The following IGFBP7 variants were observed in gnomAD, a reference collection of about 807,000 sequenced individuals.
IGFBP7 encodes insulin-like growth factor-binding protein 7.
In IGFBP7, 31 loss-of-function variants were observed where a neutral mutation model predicts 29.4. That is an observed-to-expected ratio of 1.05 (90% CI 0.79 to 1.42). The LOEUF is 1.42. IGFBP7 is among the 40% of genes most tolerant of loss of function. The probability of loss-of-function intolerance (pLI) is 0.00; values close to 1 mark genes in which losing one functional copy is unlikely to be tolerated. For missense variants in IGFBP7, 393 were observed against 395.5 expected, an observed-to-expected ratio of 0.99 and a Z score of 0.05; for synonymous variants, 172 against 174.9, an observed-to-expected ratio of 0.98 and a Z score of 0.13.
At chr4:57,041,117 A>C (rs1196101875) in intron 1 of IGFBP7, among the ~76,000 whole-genome samples, 184 bp from the exon 2 acceptor site, 1 of 152,238 alleles carries the variant, frequency 6.6e-6, no homozygotes, top group Non-Finnish European at 1.5e-5. Flanking sequence ...CCACTTTGGG[A>C]ATGCATAAAT....
At chr4:57,055,558 T>C (rs7670536) in intron 1 of IGFBP7, among the ~76,000 whole-genome samples, 126,644 of 151,850 alleles carry the variant, frequency 0.83, 53,168 homozygotes, top group East Asian at 0.94. Context: ...GAAAATCCAG[T>C]GGGCTGGTTC....
At chr4:57,105,416 C>T (rs1725999442) in intron 1 of IGFBP7, among the ~76,000 whole-genome samples, 1 of 152,166 alleles carries the variant, frequency 6.6e-6, no homozygotes, top group African/African-American at 2.4e-5. Flanking sequence ...TACTACATAC[C>T]ATGCACTTAT....
In IGFBP7 at chr4:57,075,779, A is replaced by T. The variant is rs763416588; in HGVS notation, c.475+34098T>A. ...CACATTTGAAAAAAAAGGTAGACAC[A>T]AGGCAGAGGAATGTGGTGGGTAGAC... On this transcript the variant is annotated intron_variant, in intron 1 of 4. Transcript: ENST00000295666. Among the ~76,000 whole-genome samples the T allele has an allele frequency of 1.1e-4, 17 of 152,334 alleles. No individual in the cohort carries two copies. In the South Asian group the frequency reaches 2.5e-3, roughly 22 times the overall value.
chr4:57,032,355 A>G, intron 4 of IGFBP7, 71 bp downstream of exon 4: 2 of 1,576,908 alleles, frequency 1.3e-6, no homozygotes, highest in East Asian at 2.2e-5. Context: ...TGATACTTTC[A>G]TACTTAGTTC....
chr4:57,037,817 C>T (rs1246588361), intron 2 of IGFBP7, among the ~76,000 whole-genome samples: 2 of 152,076 alleles, frequency 1.3e-5, no homozygotes, highest in East Asian at 1.9e-4. Context: ...AGAACTGCAA[C>T]GGAGCTTTTC....
At chr4:57,074,610 T>C (rs1725176867) in intron 1 of IGFBP7, among the ~76,000 whole-genome samples, 1 of 152,200 alleles carries the variant, frequency 6.6e-6, no homozygotes, top group African/African-American at 2.4e-5. Context: ...TTCCTCTACC[T>C]CTTAAAGTTG....
In IGFBP7 at chr4:57,031,184, T is replaced by A; in HGVS notation, c.*133A>T. 1 of 828,392 alleles carries A rather than the reference T, an allele frequency of 1.2e-6. No individual in the cohort carries two copies. Among genetic ancestry groups the A allele is most frequent in the Non-Finnish European group, 2.0e-6 (1 of 498,088 alleles). The allele number at this position is 828,392 out of a possible 1,614,324, so 51.3% of individuals were successfully genotyped here. On this transcript the variant is annotated 3_prime_UTR_variant, in exon 5 of 5. Transcript: ENST00000295666. Reference sequence around the variant, plus strand: ...TTGATGTGTGATCTTTATTTTGTATTTCTCTGTGTAAAACCAGTGAATATA... The same window carrying A: ...TTGATGTGTGATCTTTATTTTGTATATCTCTGTGTAAAACCAGTGAATATA...
intron 1 of IGFBP7, among the ~76,000 whole-genome samples, chr4:57,108,538 C>CTTCT (rs56133217): frequency 0.97 from 145,658 of 149,908 alleles, 70,885 homozygotes; most frequent in South Asian, 1. Flanking sequence ...ACTTTATTTT[C>CTTCT]TTCTTTCTTT....
intron 1 of IGFBP7, among the ~76,000 whole-genome samples, chr4:57,054,663 A>AAAAAAG: frequency 6.7e-6 from 1 of 148,538 alleles, no homozygotes; most frequent in East Asian, 2.0e-4. Context: ...AAAAAAAAAA[A>AAAAAAG]AAGAAGAAGA....
chr4:57,109,578 G>A lies in IGFBP7; in HGVS notation c.475+299C>T, dbSNP rs532928166. Among the ~76,000 whole-genome samples, 9 of 152,340 alleles carry A rather than the reference G, an allele frequency of 5.9e-5. No individual in the cohort carries two copies. The South Asian group carries it at 1.4e-3, about 25-fold the overall frequency. On this transcript the variant is annotated intron_variant, in intron 1 of 4. Coordinates refer to ENST00000295666, the MANE Select transcript of IGFBP7 (RefSeq NM_001553.3). Reference sequence around the variant, plus strand: ...TGTTAGCACGAGTTGGGTGCGCTTTGGGCATGGGGAAGTCTGAGGTCTCGG... The same window carrying A: ...TGTTAGCACGAGTTGGGTGCGCTTTAGGCATGGGGAAGTCTGAGGTCTCGG...
intron 2 of IGFBP7, among the ~76,000 whole-genome samples, chr4:57,038,748 G>C (rs1271923816): frequency 6.6e-6 from 1 of 152,010 alleles, no homozygotes; most frequent in East Asian, 1.9e-4. Context: ...ATAGTTGTGA[G>C]GCTCAGCAAT....
chr4:57,086,918 G>A (rs1235467742), intron 1 of IGFBP7, among the ~76,000 whole-genome samples: 2 of 152,054 alleles, frequency 1.3e-5, no homozygotes, highest in African/African-American at 2.4e-5. Context: ...ATTTTTAGGA[G>A]AGACTGGGTT....
chr4:57,038,426 T>TGCAG (rs1724136010), intron 2 of IGFBP7, among the ~76,000 whole-genome samples: 1 of 152,214 alleles, frequency 6.6e-6, no homozygotes, highest in South Asian at 2.1e-4. Context: ...TGTACCTGGA[T>TGCAG]GCAGGGGCCC....
intron 1 of IGFBP7, among the ~76,000 whole-genome samples, chr4:57,089,571 G>T (rs1725585424): frequency 6.6e-6 from 1 of 152,084 alleles, no homozygotes; most frequent in Non-Finnish European, 1.5e-5. Context: ...AGTCTGATGG[G>T]GTCTGTGGTC....
intron 1 of IGFBP7, among the ~76,000 whole-genome samples, chr4:57,092,761 T>C (rs1725670762): frequency 6.6e-6 from 1 of 150,952 alleles, no homozygotes; most frequent in Non-Finnish European, 1.5e-5. Context: ...GATCTTTGTG[T>C]CTAAAGATGT....
At chr4:57,049,506 T>G (rs1724448419) in intron 1 of IGFBP7, among the ~76,000 whole-genome samples, 1 of 152,204 alleles carries the variant, frequency 6.6e-6, no homozygotes, top group Non-Finnish European at 1.5e-5. Flanking sequence ...GCTGATGCCC[T>G]TACCTACTTG....
Position 57,109,968 on chromosome 4 carries a change from C to T in IGFBP7, c.384G>A (p.Pro128=). 2.6e-6 allele frequency: 4 copies of T among 1,548,488 alleles called. No individual in the cohort carries two copies. The highest frequency in any genetic ancestry group is 2.4e-5 in the South Asian group (2 of 84,908). ...PVCGSDGTTY[P]SGCQLRAASQ... Reference sequence around the variant, plus strand: ...TGGCGGCGCGCAGCTGGCAGCCGCTCGGGTAGGTGGTGCCGTCGCTGCCGC... The same window carrying T: ...TGGCGGCGCGCAGCTGGCAGCCGCTTGGGTAGGTGGTGCCGTCGCTGCCGC... Residue 128 remains proline (P), a synonymous_variant, in exon 1 of 5, where the codon CCG becomes CCA. Transcript: ENST00000295666.
chr4:57,042,696 C>A (rs1029016751), intron 1 of IGFBP7, among the ~76,000 whole-genome samples: 1 of 152,266 alleles, frequency 6.6e-6, no homozygotes, highest in Non-Finnish European at 1.5e-5. Flanking sequence ...TATTTCATGA[C>A]GTGTGAAAAT....
chr4:57,059,831 A>G (rs113242987), intron 1 of IGFBP7, among the ~76,000 whole-genome samples: 1 of 152,232 alleles, frequency 6.6e-6, no homozygotes, highest in African/African-American at 2.4e-5. Flanking sequence ...CTATCCCTAT[A>G]TCTAGAGCAC....
Sources: gnomAD v4.1 joint callset for allele counts (sites outside exome capture counted in the v4.1 genomes callset) on GRCh38, gnomAD v4.1.1 for gene constraint, MANE v1.5 for transcripts, NCBI Gene and HGNC (gene_info 2026-07-23, HGNC 2026-07-21) for gene names.